The following TNFRSF9 variants were observed in gnomAD, a reference collection of about 807,000 sequenced individuals.
TNFRSF9 encodes tumor necrosis factor receptor superfamily member 9.
A neutral mutation model predicts 28.8 loss-of-function variants in TNFRSF9; 16 were observed. The ratio of observed to expected loss-of-function variants is 0.55; its 90% CI spans 0.38 to 0.84. TNFRSF9 has a LOEUF of 0.84. Among genes scored for constraint, TNFRSF9 ranks in the 40% least tolerant of loss-of-function variants. TNFRSF9 has a pLI of 0.00. For synonymous variants in TNFRSF9, 131 were observed against 117.0 expected, an observed-to-expected ratio of 1.12 and a Z score of -0.77; for missense variants, 303 against 315.0, an observed-to-expected ratio of 0.96 and a Z score of 0.29.
chr1:7,931,847 A>C (rs1639735098), intron 7 of TNFRSF9, among the ~76,000 whole-genome samples: 1 of 152,274 alleles, frequency 6.6e-6, no homozygotes, highest in Non-Finnish European at 1.5e-5. Flanking sequence ...ATAATTTATT[A>C]GATAAGACTT....
rs1397360414 is a variant in TNFRSF9 at position 7,917,973 on chromosome 1, T to TATAG, written c.*2858_*2861dup. 5 of 144,102 alleles carry TATAG rather than the reference T, an allele frequency of 3.5e-5. No homozygotes were observed. The highest frequency in any genetic ancestry group is 2.1e-4 in the South Asian group (1 of 4,766). 8.9% of individuals were successfully genotyped at this position (144,102 alleles called of 1,614,324 possible). On this transcript the variant is annotated 3_prime_UTR_variant, in exon 8 of 8. Coordinates refer to ENST00000377507, the MANE Select transcript of TNFRSF9 (RefSeq NM_001561.6). The stretch of plus-strand genomic sequence containing the variant: ...TACAAAGGATATATATATATATATA[T>TATAG]ATAGATATAGATAGATAGATAGATA...
At chr1:7,934,388 C>A (rs1257236880) in intron 6 of TNFRSF9, among the ~76,000 whole-genome samples, 1 of 137,778 alleles carries the variant, frequency 7.3e-6, no homozygotes, top group African/African-American at 2.7e-5. Flanking sequence ...AAAAAAAAAG[C>A]GAGAGAGAGA....
At chr1:7,928,811 G>A (rs1639689869) in intron 7 of TNFRSF9, among the ~76,000 whole-genome samples, 1 of 152,100 alleles carries the variant, frequency 6.6e-6, no homozygotes, top group Non-Finnish European at 1.5e-5. Flanking sequence ...CCCAGGAGGC[G>A]GAGGTTGCAG....
At chr1:7,924,880 G>T (rs750868289) in intron 7 of TNFRSF9, among the ~76,000 whole-genome samples, 4 of 151,890 alleles carry the variant, frequency 2.6e-5, no homozygotes, top group Non-Finnish European at 5.9e-5. Context: ...AAAGTAAAAA[G>T]CAATTTAAAA....
At chr1:7,931,269 TAA>T (rs1360740080) in intron 7 of TNFRSF9, among the ~76,000 whole-genome samples, 1 of 152,158 alleles carries the variant, frequency 6.6e-6, no homozygotes, top group Non-Finnish European at 1.5e-5. Context: ...ATTTCTAGGT[TAA>T]AAAACAAAAC....
Position 7,924,366 on chromosome 1 carries a change from C to T in TNFRSF9, c.680-3443G>A, listed in dbSNP as rs1436879890. Among the ~76,000 whole-genome samples, 7 of 148,760 alleles carry T rather than the reference C, an allele frequency of 4.7e-5. No homozygotes were observed. The South Asian group carries it at 1.3e-3, about 27-fold the overall frequency. On this transcript the variant is annotated intron_variant, in intron 7 of 7. Coordinates refer to ENST00000377507, the MANE Select transcript of TNFRSF9 (RefSeq NM_001561.6). ...TTAAGGCCGGGTGTTGTGGCTCACA[C>T]CTGTAATCCCAGCACTTTGGGAGGC...
chr1:7,916,171 A>G lies in TNFRSF9; in HGVS notation c.*4664T>C, dbSNP rs1433217032. ...CTGAAAAAAACCTGAGCTTGTTTTTAGCATTTAGAAAATGATTTATAATTT... is the reference window on the plus strand; with the variant it reads ...CTGAAAAAAACCTGAGCTTGTTTTTGGCATTTAGAAAATGATTTATAATTT... On this transcript the variant is annotated 3_prime_UTR_variant, in exon 8 of 8. Transcript: ENST00000377507. 2.0e-5 allele frequency: 3 copies of G among 152,246 alleles called. No individual in the cohort carries two copies. Among genetic ancestry groups the G allele is most frequent in the Non-Finnish European group, 4.4e-5 (3 of 68,038 alleles). 9.4% of individuals were successfully genotyped at this position (152,246 alleles called of 1,614,324 possible).
At chr1:7,929,992 G>A (rs976287625) in intron 7 of TNFRSF9, among the ~76,000 whole-genome samples, 30 of 107,988 alleles carry the variant, frequency 2.8e-4, no homozygotes, top group African/African-American at 9.8e-4. Flanking sequence ...TTTTTGAGAC[G>A]GAGTTTCGCT....
chr1:7,933,734 T>C (rs1402369700), intron 6 of TNFRSF9, among the ~76,000 whole-genome samples: 3 of 150,770 alleles, frequency 2.0e-5, no homozygotes, highest in African/African-American at 7.3e-5. Context: ...AGAAACTTAA[T>C]GGCAGGGAGC....
rs1459359517 is a variant in TNFRSF9, at chr1:7,935,122, A to G, written c.435T>C (p.Ser145=). The G allele has an allele frequency of 6.2e-7, 1 of 1,614,260 alleles. No individual in the cohort carries two copies. Among genetic ancestry groups the G allele is most frequent in the Middle Eastern group, 1.6e-4 (1 of 6,062 alleles). Residue 145 remains serine (S), a synonymous_variant, in exon 6 of 8, where the codon TCT becomes TCC. Transcript: ENST00000377507. ...TCTCCTTCGTCCCATTCACAAGCAC[A>G]GACTTTCCATCCAAAGAACAGCTTA... ...PWTNCSLDGK[S]VLVNGTKERD...
intron 7 of TNFRSF9, among the ~76,000 whole-genome samples, chr1:7,928,967 AG>A (rs1639692956): frequency 6.6e-6 from 1 of 152,094 alleles, no homozygotes. Context: ...AAGGCCGTGA[AG>A]GGGGTTTCTT....
intron 3 of TNFRSF9, 90 bp downstream of exon 3, chr1:7,938,631 A>G: frequency 8.7e-7 from 1 of 1,151,414 alleles, no homozygotes; most frequent in Non-Finnish European, 1.2e-6. Flanking sequence ...GACACTTGAG[A>G]TTTTCAAAAG....
chr1:7,937,528 T>C (rs1229455036), intron 5 of TNFRSF9, among the ~76,000 whole-genome samples, 162 bp downstream of exon 5: 1 of 152,220 alleles, frequency 6.6e-6, no homozygotes, highest in African/African-American at 2.4e-5. Context: ...ACTTTGCCTA[T>C]TGAGTTGCTA....
intron 7 of TNFRSF9, among the ~76,000 whole-genome samples, chr1:7,928,895 A>G (rs902686670): frequency 2.6e-5 from 4 of 152,010 alleles, no homozygotes; most frequent in African/African-American, 9.7e-5. Context: ...AAACAACAAC[A>G]ATAACAACAA....
chr1:7,915,979 C>T lies in TNFRSF9; in HGVS notation c.*4856G>A, dbSNP rs1289493867. ...AGATCACTCTCCAAGTCCTACCACA[C>T]ACAGGGCACATGTAACCTGCCCTAG... On this transcript the variant is annotated 3_prime_UTR_variant, in exon 8 of 8. Transcript: ENST00000377507. The T allele has an allele frequency of 1.3e-5, 2 of 152,114 alleles. No homozygotes were observed. The allele number at this position is 152,114 out of a possible 1,614,324, so 9.4% of individuals were successfully genotyped here.
rs1639521164 is a variant in TNFRSF9 at position 7,919,079 on chromosome 1, G to A, written c.*1756C>T. 1 of 152,178 alleles carries A rather than the reference G, an allele frequency of 6.6e-6. No individual in the cohort carries two copies. The highest frequency in any genetic ancestry group is 1.5e-5 in the Non-Finnish European group (1 of 68,034). The allele number at this position is 152,178 out of a possible 1,614,324, so 9.4% of individuals were successfully genotyped here. ...GGTTATAGTAGAACCAACTAAATAG[G>A]AGCAGAAGTGACAGATACCCATTTG... On this transcript the variant is annotated 3_prime_UTR_variant, in exon 8 of 8. Coordinates refer to ENST00000377507, the MANE Select transcript of TNFRSF9 (RefSeq NM_001561.6).
At position 7,935,080 on chromosome 1, in the gene TNFRSF9, T is replaced by A. The variant is rs757930451; in HGVS notation, c.477A>T (p.Gly159=). The change falls in exon 6 of 8, where the codon GGA becomes GGT. Residue 159 remains glycine, a synonymous_variant. Coordinates refer to ENST00000377507, the MANE Select transcript of TNFRSF9 (RefSeq NM_001561.6). The part of the protein sequence containing the change: ...NGTKERDVVC[G]PSPADLSPGA... The stretch of plus-strand genomic sequence containing the variant: ...CCGGAGAGAGGTCGGCTGGAGATGG[T>A]CCACAGACCACGTCCCTCTCCTTCG... 2.5e-6 allele frequency: 4 copies of A among 1,614,082 alleles called. No individual in the cohort carries two copies. The African/African-American group carries it at 5.3e-5, about 22-fold the overall frequency.
intron 4 of TNFRSF9, 37 bp from the exon 5 acceptor site, chr1:7,937,793 C>T: frequency 6.5e-7 from 1 of 1,547,738 alleles, no homozygotes; most frequent in East Asian, 2.3e-5. Flanking sequence ...AAAAGGGAAG[C>T]ATTTTCATCA....
At chr1:7,932,093 C>T (rs1210974969) in intron 7 of TNFRSF9, among the ~76,000 whole-genome samples, 8 of 152,094 alleles carry the variant, frequency 5.3e-5, no homozygotes, top group Admixed American at 1.3e-4. Flanking sequence ...GCCGGGATCA[C>T]GCCATTGCAC....
Sources: allele counts gnomAD v4.1 joint callset (sites outside exome capture counted in the v4.1 genomes callset), GRCh38; gene constraint gnomAD v4.1.1; transcripts MANE v1.5; gene names NCBI Gene and HGNC (gene_info 2026-07-23, HGNC 2026-07-21).